SV2B: variants seen among roughly 807,000 people sequenced by gnomAD.
SV2B encodes synaptic vesicle glycoprotein 2B.
SV2B carries 41 observed loss-of-function variants against 73.9 expected under a neutral mutation model. That is an observed-to-expected ratio of 0.56 (90% CI 0.43 to 0.72). The LOEUF is 0.72. Among genes scored for constraint, SV2B ranks in the 30% least tolerant of loss-of-function variants. The pLI is 0.00. For synonymous variants in SV2B, 314 were observed against 314.2 expected, an observed-to-expected ratio of 1.00 and a Z score of 0.01; for missense variants, 764 against 857.8, an observed-to-expected ratio of 0.89 and a Z score of 1.37.
At chr15:91,127,534 T>C (rs915095397) in intron 1 of SV2B, among the ~76,000 whole-genome samples, 1 of 152,144 alleles carries the variant, frequency 6.6e-6, no homozygotes, top group Non-Finnish European at 1.5e-5. Context: ...GAAAGCAGAT[T>C]GTCCACACTG....
At chr15:91,205,462 T>C (rs1267271491) in intron 1 of SV2B, among the ~76,000 whole-genome samples, 1 of 151,676 alleles carries the variant, frequency 6.6e-6, no homozygotes, top group Admixed American at 6.6e-5. Flanking sequence ...GCCTCCTGAG[T>C]TCAAGTGATT....
chr15:91,199,106 C>T (rs1389285961), intron 1 of SV2B, among the ~76,000 whole-genome samples: 1 of 152,148 alleles, frequency 6.6e-6, no homozygotes, highest in African/African-American at 2.4e-5. Flanking sequence ...CTCAAGCAAT[C>T]CTCCTGCCAC....
chr15:91,125,794 A>AG (rs2151751229), intron 1 of SV2B, among the ~76,000 whole-genome samples: 1 of 150,794 alleles, frequency 6.6e-6, no homozygotes, highest in East Asian at 1.9e-4. Context: ...AAAAAAAAAA[A>AG]AAAAAATTCA....
chr15:91,251,703 C>A, intron 2 of SV2B, 116 bp from the exon 3 acceptor site: 3 of 1,237,380 alleles, frequency 2.4e-6, no homozygotes, highest in Non-Finnish European at 3.3e-6. Flanking sequence ...CATTTTGTGT[C>A]TATGACACAG....
At position 91,232,689 on chromosome 15, in the gene SV2B, G is replaced by A. The variant is rs1052596125; in HGVS notation, c.451+5975G>A. Reference sequence around the variant, plus strand: ...TTGAGTGTGACATATTGTTATAGCAGTAGTTCCTTTTGAATTTTTCACGTT... The same window carrying A: ...TTGAGTGTGACATATTGTTATAGCAATAGTTCCTTTTGAATTTTTCACGTT... On this transcript the variant is annotated intron_variant, in intron 2 of 12. Transcript: ENST00000394232. This position sits in a 1 kb window ranked among gnomAD's most constrained non-coding sequence, Gnocchi z 4.7. Among the ~76,000 whole-genome samples the A allele has an allele frequency of 1.3e-5, 2 of 152,152 alleles. No homozygotes were observed. Among genetic ancestry groups the A allele is most frequent in the African/African-American group, 4.8e-5 (2 of 41,422 alleles).
intron 2 of SV2B, among the ~76,000 whole-genome samples, chr15:91,230,424 T>C (rs138159130): frequency 2.6e-5 from 4 of 152,262 alleles, no homozygotes; most frequent in African/African-American, 9.6e-5. Context: ...AATGAATCCA[T>C]TTGGAAAATA....
intron 2 of SV2B, among the ~76,000 whole-genome samples, chr15:91,246,193 A>C (rs2047217112): frequency 6.6e-6 from 1 of 152,170 alleles, no homozygotes; most frequent in South Asian, 2.1e-4. Context: ...GGTCTATTTA[A>C]AGGGCATACT....
At position 91,191,063 on chromosome 15, in the gene SV2B, C is replaced by CTTTTTTTT. The variant is rs59849012; in HGVS notation, c.-391-34796_-391-34789dup. 3.1e-4 allele frequency among the ~76,000 whole-genome samples: 20 copies of CTTTTTTTT among 64,242 alleles called. 2 individuals are homozygous for CTTTTTTTT. Among genetic ancestry groups the CTTTTTTTT allele is most frequent in the East Asian group, 3.1e-3 (4 of 1,290 alleles). The allele number at this position is 64,242 out of a possible 152,430, so 42.1% of individuals were successfully genotyped here. On this transcript the variant is annotated intron_variant, in intron 1 of 12. Transcript: ENST00000394232. Reference sequence around the variant, plus strand: ...TACCCTGGTGGTTTTTTTGGTGTTTCTTTTTTTTTTTTTTTTTTTTTGACA... The same window carrying CTTTTTTTT: ...TACCCTGGTGGTTTTTTTGGTGTTTCTTTTTTTTTTTTTTTTTTTTTTTTTTTTTGACA...
rs117536173 is a variant in SV2B at position 91,277,674 on chromosome 15, G to A, written c.1374-4054G>A. On this transcript the variant is annotated intron_variant, in intron 9 of 12. Transcript: ENST00000394232. ...TGGAGTAGTATTCCATGATTTGAAT[G>A]TATTACTGTATTTTGTCTATCCATT... 3.1e-3 allele frequency among the ~76,000 whole-genome samples: 470 copies of A among 152,294 alleles called. 2 individuals are homozygous for A. The highest frequency in any genetic ancestry group is 5.7e-3 in the Non-Finnish European group (391 of 68,018).
chr15:91,289,807 T>C lies in SV2B; in HGVS notation c.1868+127T>C. On this transcript the variant is annotated intron_variant, in intron 12 of 12. Transcript: ENST00000394232. This position sits in a 1 kb window ranked among gnomAD's most constrained non-coding sequence, Gnocchi z 4.9. ...TTTCTGCTGTTCCGTGAAACAAACA[T>C]CTTTTATGTTGAGCTTCTCCTGCAT... 1 of 1,102,072 alleles carries C rather than the reference T, an allele frequency of 9.1e-7. No homozygotes were observed. Among genetic ancestry groups the C allele is most frequent in the Admixed American group, 2.8e-5 (1 of 35,372 alleles). The allele number at this position is 1,102,072 out of a possible 1,614,324, so 68.3% of individuals were successfully genotyped here. A position where few individuals can be genotyped will look rare whatever the true frequency, so the allele number is the denominator to read the frequency against.
chr15:91,221,108 C>G (rs1204944195), intron 1 of SV2B, among the ~76,000 whole-genome samples: 2 of 152,102 alleles, frequency 1.3e-5, no homozygotes, highest in Non-Finnish European at 2.9e-5. Flanking sequence ...TCAAGCAATC[C>G]TCCCACCTCA....
Position 91,268,552 on chromosome 15 carries a change from C to G in SV2B, c.1320C>G (p.Ile440Met). ...GTGAGCATGTGTACGGCGCCACAAT[C>G]AACTTCACGATGGAAAATCAGATCC... ...FFGEHVYGAT[I>M]NFTMENQIHQ... The change falls in exon 9 of 13, where the codon ATC becomes ATG. Residue 440 changes from isoleucine to methionine, a missense_variant. By Grantham distance (10) the Ile-to-Met change is conservative. Transcript: ENST00000394232. The surrounding 1 kb of genome is among the most constrained non-coding windows in gnomAD (Gnocchi z 4.4). The G allele has an allele frequency of 4.3e-6, 7 of 1,613,846 alleles. No homozygotes were observed. Among genetic ancestry groups the G allele is most frequent in the Non-Finnish European group, 5.9e-6 (7 of 1,179,762 alleles).
intron 1 of SV2B, among the ~76,000 whole-genome samples, chr15:91,212,543 G>A (rs1322305434): frequency 6.6e-6 from 1 of 152,186 alleles, no homozygotes; most frequent in Non-Finnish European, 1.5e-5. Flanking sequence ...TAGGGCACAC[G>A]TGTTCCTGCG....
At chr15:91,292,247 A>T in intron 12 of SV2B, 122 bp from the exon 13 acceptor site, 1 of 865,140 alleles carries the variant, frequency 1.2e-6, no homozygotes, top group Non-Finnish European at 1.7e-6. Context: ...TGTTATTTTT[A>T]TATTTAGGAA....
At chr15:91,104,262 T>C (rs1489027382) in intron 1 of SV2B, among the ~76,000 whole-genome samples, 1 of 152,218 alleles carries the variant, frequency 6.6e-6, no homozygotes, top group Non-Finnish European at 1.5e-5. Flanking sequence ...GGTCTGCTGA[T>C]GGAGTGTCTG....
At chr15:91,114,984 C>T (rs2042137992) in intron 1 of SV2B, among the ~76,000 whole-genome samples, 2 of 152,128 alleles carry the variant, frequency 1.3e-5, no homozygotes, top group Admixed American at 6.5e-5. Context: ...GAGCCTAGCC[C>T]AACTGGGGTC....
chr15:91,167,819 C>T (rs143160089), intron 1 of SV2B, among the ~76,000 whole-genome samples: 18 of 152,296 alleles, frequency 1.2e-4, no homozygotes, highest in African/African-American at 3.4e-4. Context: ...TATTATGTTA[C>T]AAGAATCTAA....
chr15:91,160,834 A>G (rs569048382), intron 1 of SV2B, among the ~76,000 whole-genome samples: 2 of 152,248 alleles, frequency 1.3e-5, no homozygotes, highest in African/African-American at 4.8e-5. Context: ...ATAGATCCCT[A>G]CCTCAAACCT....
At chr15:91,120,541 G>A (rs766484818) in intron 1 of SV2B, among the ~76,000 whole-genome samples, 31 of 152,248 alleles carry the variant, frequency 2.0e-4, no homozygotes, top group Middle Eastern at 3.4e-3. Context: ...GGCAGGCACG[G>A]TGGCTCACAT....
Sources: gnomAD v4.1 joint callset for allele counts (sites outside exome capture counted in the v4.1 genomes callset) on GRCh38, gnomAD v4.1.1 for gene constraint, Gnocchi (gnomAD v3.1) non-coding constraint, MANE v1.5 for transcripts, NCBI Gene and HGNC (gene_info 2026-07-23, HGNC 2026-07-21) for gene names.